Variants in ZNF33A observed in about 807,000 individuals in gnomAD.
ZNF33A encodes zinc finger protein 33A, also known as brain my041 protein.
ZNF33A carries 9 observed loss-of-function variants against 15.9 expected under a neutral mutation model. That is an observed-to-expected ratio of 0.57 (90% CI 0.34 to 0.99). The LOEUF is 0.99. ZNF33A is among the 50% of genes least tolerant of loss of function. The pLI is 0.02. For missense variants in ZNF33A, 843 were observed against 941.6 expected (o/e 0.90, Z 1.37); for synonymous variants, 294 against 324.2 (o/e 0.91, Z 1.00).
At chr10:38,032,174 A>C (rs1412492600) in intron 4 of ZNF33A, among the ~76,000 whole-genome samples, 1 of 152,154 alleles carries the variant, frequency 6.6e-6, no homozygotes, top group Non-Finnish European at 1.5e-5. Flanking sequence ...TTGTGTGCAG[A>C]CAATTTGATT....
Position 38,055,501 on chromosome 10 carries a change from C to A in ZNF33A, c.1377C>A (p.His459Gln). 1 of 1,613,308 alleles carries A rather than the reference C, an allele frequency of 6.2e-7. No homozygotes were observed. The highest frequency in any genetic ancestry group is 2.2e-5 in the East Asian group (1 of 44,764). The part of the protein sequence containing the change: ...SFRVTSHLKV[H>Q]QRTHTGEKPF... ...GTGTGACTTCGCACCTTAAAGTACA[C>A]CAGAGAACTCACACAGGTGAGAAAC... The change falls in exon 5 of 5, where the codon CAC (histidine) becomes CAA (glutamine). Residue 459 changes from histidine (H) to glutamine (Q), a missense_variant. Physicochemically the swap from His to Gln is conservative, Grantham distance 24. Coordinates refer to ENST00000432900, the MANE Select transcript of ZNF33A (RefSeq NM_006954.2).
At position 38,020,860 on chromosome 10, in the gene ZNF33A, G is replaced by A. The variant is rs372469347; in HGVS notation, c.250+3474G>A. Among the ~76,000 whole-genome samples, 42 of 152,322 alleles carry A rather than the reference G, an allele frequency of 2.8e-4. 1 individual carries two copies. In the East Asian group the frequency reaches 5.2e-3, roughly 19 times the overall value. On this transcript the variant is annotated intron_variant, in intron 4 of 4. Transcript: ENST00000432900. The stretch of plus-strand genomic sequence containing the variant: ...CTTTTGGGCATATACCTAGCAGTGG[G>A]ATTGCTGGATCATATGATAGCTCTA...
chr10:38,036,052 C>T (rs1236529106), intron 4 of ZNF33A, among the ~76,000 whole-genome samples: 6 of 152,162 alleles, frequency 3.9e-5, no homozygotes, highest in Admixed American at 3.9e-4. Flanking sequence ...ACTAATATCC[C>T]TCATAAATAT....
At chr10:38,024,865 C>T (rs2064913127) in intron 4 of ZNF33A, among the ~76,000 whole-genome samples, 1 of 152,210 alleles carries the variant, frequency 6.6e-6, no homozygotes, top group South Asian at 2.1e-4. Context: ...AACCCTATGT[C>T]TAGCATACCC....
chr10:38,032,787 G>A (rs571836981), intron 4 of ZNF33A, among the ~76,000 whole-genome samples: 7 of 151,392 alleles, frequency 4.6e-5, no homozygotes, highest in Admixed American at 1.3e-4. Flanking sequence ...TTACTCTGTC[G>A]CTCAGGCTGG....
downstream of ZNF33A, among the ~76,000 whole-genome samples, chr10:38,067,431 T>A (rs1056270388): frequency 3.3e-5 from 5 of 152,206 alleles, no homozygotes; most frequent in Non-Finnish European, 7.4e-5. Context: ...AAACAATGCT[T>A]GAAGGGCATC....
intron 4 of ZNF33A, among the ~76,000 whole-genome samples, chr10:38,029,392 ATT>A (rs1408036141): frequency 2.0e-5 from 3 of 152,196 alleles, no homozygotes; most frequent in Non-Finnish European, 4.4e-5. Context: ...CAGGCCTTCA[ATT>A]GATTTCTAAG....
chr10:38,054,355 T>A lies in ZNF33A; in HGVS notation c.251-20T>A. On this transcript the variant is annotated intron_variant, in intron 4 of 4. Coordinates refer to ENST00000432900, the MANE Select transcript of ZNF33A (RefSeq NM_006954.2). ...ATGTTTTGGTATTTATGTGGTAAGA[T>A]TAATTTTGCTTGTTTCTAGAAGTCT... 10 of 1,513,212 alleles carry A rather than the reference T, an allele frequency of 6.6e-6. No homozygotes were observed. Among genetic ancestry groups the A allele is most frequent in the Middle Eastern group, 2.3e-4 (1 of 4,270 alleles). 93.7% of individuals were successfully genotyped at this position (1,513,212 alleles called of 1,614,324 possible). A position where few individuals can be genotyped will look rare whatever the true frequency, so the allele number is the denominator to read the frequency against.
At chr10:38,034,617 C>T (rs907315265) in intron 4 of ZNF33A, among the ~76,000 whole-genome samples, 11 of 152,122 alleles carry the variant, frequency 7.2e-5, no homozygotes, top group Non-Finnish European at 1.2e-4. Flanking sequence ...CATCTTTTTC[C>T]TATTTTCCAT....
chr10:38,041,745 TG>T (rs2065709665), intron 4 of ZNF33A, among the ~76,000 whole-genome samples: 2 of 152,172 alleles, frequency 1.3e-5, no homozygotes, highest in Admixed American at 1.3e-4. Context: ...TTCCAAAATT[TG>T]GAAAAAATCT....
At chr10:38,014,997 C>T (rs1331060324) in intron 2 of ZNF33A, among the ~76,000 whole-genome samples, 1 of 151,854 alleles carries the variant, frequency 6.6e-6, no homozygotes, top group African/African-American at 2.4e-5. Flanking sequence ...CTCAGCCTCC[C>T]GAGGAATTGG....
rs190998340 is a variant in ZNF33A, at chr10:38,010,833, C to T, written c.-45+50C>T. ...GAGAGAGAGGGAGCCCCGCGCGACT[C>T]CTGGGGCGGGCGGCAGGGGGCCGGT... On this transcript the variant is annotated intron_variant, in intron 1 of 4. Coordinates refer to ENST00000432900, the MANE Select transcript of ZNF33A (RefSeq NM_006954.2). 5.4e-3 allele frequency: 8,678 copies of T among 1,593,794 alleles called. 36 individuals carry two copies. Among genetic ancestry groups the T allele is most frequent in the Non-Finnish European group, 6.9e-3 (8,064 of 1,176,132 alleles).
At chr10:38,014,896 T>G (rs1441775935) in intron 2 of ZNF33A, among the ~76,000 whole-genome samples, 1 of 152,204 alleles carries the variant, frequency 6.6e-6, no homozygotes, top group African/African-American at 2.4e-5. Flanking sequence ...ACTTACCTTT[T>G]TTTTTGAGAC....
At chr10:38,038,201 C>T (rs188600754) in intron 4 of ZNF33A, among the ~76,000 whole-genome samples, 28 of 152,114 alleles carry the variant, frequency 1.8e-4, no homozygotes, top group Admixed American at 3.9e-4. Flanking sequence ...GGTGCGATCT[C>T]GGCTCACTGC....
At chr10:38,040,643 C>T (rs1049162886) in intron 4 of ZNF33A, among the ~76,000 whole-genome samples, 6 of 152,142 alleles carry the variant, frequency 3.9e-5, no homozygotes, top group South Asian at 2.1e-4. Context: ...TGCCATGTGC[C>T]GGATATATCT....
intron 4 of ZNF33A, among the ~76,000 whole-genome samples, chr10:38,018,554 C>G (rs2064573342): frequency 6.6e-6 from 1 of 152,166 alleles, no homozygotes; most frequent in African/African-American, 2.4e-5. Context: ...TGAGCAACAT[C>G]TGATTTATAT....
chr10:38,021,214 CCAGAG>C (rs1379658608), intron 4 of ZNF33A, among the ~76,000 whole-genome samples: 1 of 152,024 alleles, frequency 6.6e-6, no homozygotes, highest in African/African-American at 2.4e-5. Context: ...ACAGTAGACT[CCAGAG>C]CAAAGAAAAT....
At chr10:38,034,036 T>C (rs1373514368) in intron 4 of ZNF33A, among the ~76,000 whole-genome samples, 1 of 152,156 alleles carries the variant, frequency 6.6e-6, no homozygotes, top group Non-Finnish European at 1.5e-5. Flanking sequence ...TTTTATGCAC[T>C]TGTTGGCTAT....
At chr10:38,047,436 T>TACACA (rs1197756021) in intron 4 of ZNF33A, among the ~76,000 whole-genome samples, 1 of 151,554 alleles carries the variant, frequency 6.6e-6, no homozygotes, top group Non-Finnish European at 1.5e-5. Context: ...GAGACTATGT[T>TACACA]GGCCAACATG....
Sources: gnomAD v4.1 joint callset for allele counts (sites outside exome capture counted in the v4.1 genomes callset) on GRCh38, gnomAD v4.1.1 for gene constraint, MANE v1.5 for transcripts, NCBI Gene and HGNC (gene_info 2026-07-23, HGNC 2026-07-21) for gene names.